ZBTB21: variants seen among roughly 807,000 people sequenced by gnomAD.
The protein encoded by ZBTB21 is zinc finger and BTB domain-containing protein 21.
ZBTB21 carries 10 observed loss-of-function variants against 39.8 expected under a neutral mutation model. The ratio of observed to expected loss-of-function variants is 0.25; its 90% CI spans 0.16 to 0.43. The LOEUF (loss-of-function observed/expected upper bound fraction) is 0.43, where lower values mean the gene tolerates loss of function less well. ZBTB21 is among the 20% of genes least tolerant of loss of function. The pLI is 1.00. For missense variants in ZBTB21, 1,221 were observed against 1,296.3 expected, an observed-to-expected ratio of 0.94 and a Z score of 0.89; for synonymous variants, 551 against 498.8, an observed-to-expected ratio of 1.10 and a Z score of -1.40.
At position 41,992,072 on chromosome 21, in the gene ZBTB21, CAGT is replaced by C. The variant is rs2065668293; in HGVS notation, c.2021_2023del (p.Tyr674del). On this transcript the variant is annotated inframe_deletion, in exon 3 of 3. Transcript: ENST00000310826. This position sits in a 1 kb window ranked among gnomAD's most constrained non-coding sequence, Gnocchi z 4.1. ...AGAGAGAAAGCGGTACGCTTTTCCGCAGTAAGTACAAATGTAAGCTCCTTTGGC... is the reference window on the plus strand; with the variant it reads ...AGAGAGAAAGCGGTACGCTTTTCCGCAAGTACAAATGTAAGCTCCTTTGGC... The C allele has an allele frequency of 6.2e-7, 1 of 1,614,096 alleles. No homozygotes were observed. Among genetic ancestry groups the C allele is most frequent in the Non-Finnish European group, 8.5e-7 (1 of 1,180,052 alleles).
chr21:41,993,458 G>A lies in ZBTB21; in HGVS notation c.638C>T (p.Ser213Phe). The A allele has an allele frequency of 3.7e-6, 6 of 1,614,208 alleles. No homozygotes were observed. In the South Asian group the frequency reaches 5.5e-5, roughly 15 times the overall value. The change falls in exon 3 of 3, where the codon TCT becomes TTT. Residue 213 changes from serine (S) to phenylalanine (F), a missense_variant. This residue lies in a region of ZBTB21 where 500 missense variants were observed against 465.6 expected (regional missense o/e 1.07). Transcript: ENST00000310826. ...CTCAAGAGACTTTGCATATACCACA[G>A]AACTATCTTTCGGCCAACTCTTTTC... Reference protein sequence around the residue: ...LTEKSWPKDSSVVYAKSLEHS... With the variant: ...LTEKSWPKDSFVVYAKSLEHS...
chr21:41,992,725 G>A lies in ZBTB21; in HGVS notation c.1371C>T (p.Ala457=). ...GGTCTCTTGTGACCGACGAAGATGA[G>A]GCAGCTGCTGTTGTTGCCGCATCTC... ...TVGDAATTAA[A]SSSSVTRDLS... Residue 457 remains alanine, a synonymous_variant, in exon 3 of 3, where the codon GCC becomes GCT. Coordinates refer to ENST00000310826, the MANE Select transcript of ZBTB21 (RefSeq NM_001098402.2). This position sits in a 1 kb window ranked among gnomAD's most constrained non-coding sequence, Gnocchi z 4.1. 1 of 1,614,164 alleles carries A rather than the reference G, an allele frequency of 6.2e-7. No homozygotes were observed. The highest frequency in any genetic ancestry group is 8.5e-7 in the Non-Finnish European group (1 of 1,180,020).
In ZBTB21 at chr21:41,992,195, G is replaced by C; in HGVS notation, c.1901C>G (p.Ala634Gly). The C allele has an allele frequency of 6.2e-7, 1 of 1,614,122 alleles. No homozygotes were observed. The highest frequency in any genetic ancestry group is 8.5e-7 in the Non-Finnish European group (1 of 1,180,030). Residue 634 changes from alanine to glycine, a missense_variant, in exon 3 of 3, where the codon GCC becomes GGC. Physicochemically the swap from Ala to Gly is moderately conservative, Grantham distance 60 (BLOSUM62 0). Transcript: ENST00000310826. The surrounding 1 kb of genome is among the most constrained non-coding windows in gnomAD (Gnocchi z 4.1). ...DIVREREIKK[A>G]LIIKLRRGKP... ...GCCGCGCCTTAACTTAATGATCAGG[G>C]CCTTCTTAATTTCTCTCTCTCTCAC... is the stretch of plus-strand genomic sequence containing the variant.
chr21:41,994,154 T>A (rs1360576768), intron 2 of ZBTB21, 46 bp from the exon 3 acceptor site: 2 of 1,497,742 alleles, frequency 1.3e-6, no homozygotes, highest in African/African-American at 2.8e-5. Flanking sequence ...CAGTGAAAAG[T>A]TCCCCTGGCT....
chr21:41,993,813 C>T lies in ZBTB21; in HGVS notation c.283G>A (p.Glu95Lys), dbSNP rs1205673919. Residue 95 changes from glutamate (E) to lysine (K), a missense_variant, in exon 3 of 3, where the codon GAG becomes AAG. Around this residue, in one of 4 missense-constraint regions of ZBTB21, gnomAD observed 108 missense variants for 155.0 expected, o/e 0.70. Coordinates refer to ENST00000310826, the MANE Select transcript of ZBTB21 (RefSeq NM_001098402.2). ...NYIYSSSLFV[E>K]KSSLAAVQEL... ...TGCACAGCAGCAAGGCTGCTCTTCTCAACAAATAGAGAGGAAGAATAAATG... is the reference window on the plus strand; with the variant it reads ...TGCACAGCAGCAAGGCTGCTCTTCTTAACAAATAGAGAGGAAGAATAAATG... 2 of 1,614,098 alleles carry T rather than the reference C, an allele frequency of 1.2e-6. No individual in the cohort carries two copies. Among genetic ancestry groups the T allele is most frequent in the African/African-American group, 2.7e-5 (2 of 74,932 alleles).
chr21:42,000,969 T>A (rs2065810038), intron 2 of ZBTB21, among the ~76,000 whole-genome samples: 1 of 152,202 alleles, frequency 6.6e-6, no homozygotes, highest in Non-Finnish European at 1.5e-5. Context: ...AGGTACTTAA[T>A]AACAGCTAAA....
chr21:41,996,222 C>T (rs1305583003), intron 2 of ZBTB21, among the ~76,000 whole-genome samples: 3 of 152,218 alleles, frequency 2.0e-5, no homozygotes, highest in Non-Finnish European at 4.4e-5. Context: ...ACAGCTGGCA[C>T]TGCGTGCCTG....
chr21:42,009,096 CG>C, intron 1 of ZBTB21: 1 of 152,246 alleles, frequency 6.6e-6, no homozygotes, highest in East Asian at 1.9e-4. Context: ...CGCGTGCCCT[CG>C]GAGGCTCGGT....
intron 1 of ZBTB21, among the ~76,000 whole-genome samples, chr21:42,008,901 G>A (rs916699172): frequency 6.6e-6 from 1 of 152,198 alleles, no homozygotes; most frequent in Non-Finnish European, 1.5e-5. Flanking sequence ...AGTCCTTAGA[G>A]ATCATCATTT....
At chr21:42,000,542 C>T (rs986744768) in intron 2 of ZBTB21, among the ~76,000 whole-genome samples, 3 of 152,190 alleles carry the variant, frequency 2.0e-5, no homozygotes, top group African/African-American at 7.2e-5. Context: ...CATCCCTGGA[C>T]CTGAAGCAAA....
At chr21:42,002,029 G>A (rs1475048085) in intron 2 of ZBTB21, among the ~76,000 whole-genome samples, 1 of 152,182 alleles carries the variant, frequency 6.6e-6, no homozygotes, top group Non-Finnish European at 1.5e-5. Context: ...AAATGCCCAT[G>A]AGGCTGGAGG....
chr21:41,993,559 G>C lies in ZBTB21; in HGVS notation c.537C>G (p.Ser179Arg). Residue 179 changes from serine to arginine, a missense_variant, in exon 3 of 3, where the codon AGC (serine) becomes AGG (arginine). Ser to Arg is a moderately radical substitution (Grantham distance 110). This residue lies in a region of ZBTB21 where 500 missense variants were observed against 465.6 expected (regional missense o/e 1.07). Transcript: ENST00000310826. ...TATTGGTATTGGCCTTGACTGCAAT[G>C]CTAGGAGAGGGCCGGGAAGTATGGC... ...DVSHTSRPSP[S>R]IAVKANTNKP... 1 of 1,614,250 alleles carries C rather than the reference G, an allele frequency of 6.2e-7. No individual in the cohort carries two copies. The highest frequency in any genetic ancestry group is 1.1e-5 in the South Asian group (1 of 91,086).
chr21:42,007,112 CTTTA>C (rs553178354), intron 1 of ZBTB21, among the ~76,000 whole-genome samples: 4 of 152,328 alleles, frequency 2.6e-5, no homozygotes, highest in East Asian at 1.9e-4. Context: ...TATTCACTGC[CTTTA>C]TTGTTAGTCA....
At chr21:42,009,767 C>G (rs1041242853) in intron 1 of ZBTB21, among the ~76,000 whole-genome samples, 1 of 151,894 alleles carries the variant, frequency 6.6e-6, no homozygotes, top group Admixed American at 6.5e-5. Context: ...GCGGCAGGTG[C>G]GGGGTCCCCA....
Position 41,991,226 on chromosome 21 carries a change from T to C in ZBTB21, c.2870A>G (p.Gln957Arg). 1 of 1,614,208 alleles carries C rather than the reference T, an allele frequency of 6.2e-7. No homozygotes were observed. Among genetic ancestry groups the C allele is most frequent in the Non-Finnish European group, 8.5e-7 (1 of 1,180,030 alleles). ...RTNFRLWSHF[Q>R]SHMSQASEES... ...CTCTGAAGCCTGAGACATGTGCGAT[T>C]GGAAGTGACTCCAGAGTCGAAAATT... The change falls in exon 3 of 3, where the codon CAA becomes CGA. Residue 957 changes from glutamine to arginine, a missense_variant. Around this residue, in one of 4 missense-constraint regions of ZBTB21, gnomAD observed 523 missense variants for 542.5 expected, o/e 0.96. Coordinates refer to ENST00000310826, the MANE Select transcript of ZBTB21 (RefSeq NM_001098402.2). This position sits in a 1 kb window ranked among gnomAD's most constrained non-coding sequence, Gnocchi z 4.9.
intron 1 of ZBTB21, among the ~76,000 whole-genome samples, chr21:42,008,342 CAAAAAAAAAAA>C (rs767411984): frequency 1.1e-4 from 6 of 54,296 alleles, no homozygotes; most frequent in African/African-American, 1.5e-4. Flanking sequence ...CCCGTCTCTA[CAAAAAAAAAAA>C]AAAAAAAAAA....
At position 41,991,219 on chromosome 21, in the gene ZBTB21, G is replaced by A. The variant is rs753284737; in HGVS notation, c.2877C>T (p.His959=). Residue 959 remains histidine (H), a synonymous_variant, in exon 3 of 3, where the codon CAC becomes CAT. Transcript: ENST00000310826. The surrounding 1 kb of genome is among the most constrained non-coding windows in gnomAD (Gnocchi z 4.9). ...CCGATTCCTCTGAAGCCTGAGACAT[G>A]TGCGATTGGAAGTGACTCCAGAGTC... is the stretch of plus-strand genomic sequence containing the variant. ...NFRLWSHFQS[H]MSQASEESAH... is the part of the protein sequence containing the mutation. 2 of 1,614,196 alleles carry A rather than the reference G, an allele frequency of 1.2e-6. No individual in the cohort carries two copies. Among genetic ancestry groups the A allele is most frequent in the Non-Finnish European group, 8.5e-7 (1 of 1,180,034 alleles).
chr21:42,004,692 T>A (rs1448316901), intron 1 of ZBTB21, among the ~76,000 whole-genome samples: 1 of 152,168 alleles, frequency 6.6e-6, no homozygotes, highest in Non-Finnish European at 1.5e-5. Context: ...CATGGGTCCT[T>A]TGGAATGTTG....
At position 41,990,900 on chromosome 21, in the gene ZBTB21, T is replaced by G; in HGVS notation, c.3196A>C (p.Asn1066His). ...AGGTAAAAAGTGTTGGTCTTTCAAT[T>G]GTGTGTTTGTTCGTGACTCCAAAGA... ...FSLWSHEQTHN is the reference protein window; with the variant it reads ...FSLWSHEQTHH The change falls in exon 3 of 3, where the codon AAT (asparagine) becomes CAT (histidine). Residue 1066 changes from asparagine to histidine, a missense_variant. Coordinates refer to ENST00000310826, the MANE Select transcript of ZBTB21 (RefSeq NM_001098402.2). The G allele has an allele frequency of 6.8e-7, 1 of 1,461,588 alleles. No homozygotes were observed. Among genetic ancestry groups the G allele is most frequent in the South Asian group, 1.6e-5 (1 of 62,238 alleles). The allele number at this position is 1,461,588 out of a possible 1,614,324, so 90.5% of individuals were successfully genotyped here.
Sources: allele counts gnomAD v4.1 joint callset (sites outside exome capture counted in the v4.1 genomes callset), GRCh38; gene constraint gnomAD v4.1.1; regional missense constraint gnomAD v4.1.1; non-coding constraint Gnocchi (gnomAD v3.1); transcripts MANE v1.5; gene names NCBI Gene and HGNC (gene_info 2026-07-23, HGNC 2026-07-21).